Variants in SUPT3H observed in about 807,000 individuals in gnomAD.
SUPT3H encodes SPT3 homolog, SAGA and STAGA complex component.
A neutral mutation model predicts 44.3 loss-of-function variants in SUPT3H; 44 were observed. That is an observed-to-expected ratio of 0.99 (90% CI 0.78 to 1.28). The LOEUF is 1.28. SUPT3H is among the 50% of genes most tolerant of loss of function. The pLI, the probability that SUPT3H is intolerant of heterozygous loss-of-function variation, is 0.00. For missense variants in SUPT3H, 380 were observed against 387.1 expected (o/e 0.98, Z 0.15); for synonymous variants, 124 against 125.6 (o/e 0.99, Z 0.09).
intron 2 of SUPT3H, among the ~76,000 whole-genome samples, chr6:45,143,933 C>T (rs1393428496): frequency 6.6e-6 from 1 of 151,998 alleles, no homozygotes. Flanking sequence ...TATACACGAA[C>T]TAGAAAATCT....
intron 6 of SUPT3H, among the ~76,000 whole-genome samples, chr6:44,974,905 A>G (rs565717727): frequency 4.3e-4 from 66 of 152,230 alleles, no homozygotes; most frequent in Non-Finnish European, 7.9e-4. Flanking sequence ...TGGCTCAATG[A>G]TGTATTAAGA....
intron 2 of SUPT3H, among the ~76,000 whole-genome samples, chr6:45,142,514 A>G (rs1805379206): frequency 6.6e-6 from 1 of 152,030 alleles, no homozygotes; most frequent in Non-Finnish European, 1.5e-5. Context: ...AGGTGGGCAG[A>G]TCACCTGAGG....
chr6:45,068,754 G>A (rs1405589112), intron 3 of SUPT3H, among the ~76,000 whole-genome samples: 1 of 151,832 alleles, frequency 6.6e-6, no homozygotes, highest in Non-Finnish European at 1.5e-5. Flanking sequence ...ATAGTGTGTG[G>A]ACTTCACACT....
At chr6:45,257,033 G>A (rs993827598) in intron 2 of SUPT3H, among the ~76,000 whole-genome samples, 3 of 152,192 alleles carry the variant, frequency 2.0e-5, no homozygotes, top group Non-Finnish European at 4.4e-5. Flanking sequence ...CAAAGCAGCT[G>A]TACCATTTTA....
At chr6:45,004,613 TC>T (rs1377777536) in intron 5 of SUPT3H, among the ~76,000 whole-genome samples, 1 of 152,086 alleles carries the variant, frequency 6.6e-6, no homozygotes, top group Non-Finnish European at 1.5e-5. Flanking sequence ...GATTACTCTT[TC>T]CCATTTCCTT....
At chr6:45,016,038 T>G (rs116838567) in intron 4 of SUPT3H, among the ~76,000 whole-genome samples, 106 of 152,258 alleles carry the variant, frequency 7.0e-4, no homozygotes, top group African/African-American at 2.5e-3. Context: ...TGGAGTATTA[T>G]AAATACATAA....
chr6:45,297,304 G>C (rs1781456899), intron 2 of SUPT3H, among the ~76,000 whole-genome samples: 1 of 152,126 alleles, frequency 6.6e-6, no homozygotes, highest in African/African-American at 2.4e-5. Context: ...TGTATTCAGA[G>C]TTATCCTATA....
chr6:45,270,878 C>T (rs558480755), intron 2 of SUPT3H, among the ~76,000 whole-genome samples: 34 of 152,292 alleles, frequency 2.2e-4, no homozygotes, highest in Middle Eastern at 6.8e-3. Context: ...GAACAATGAA[C>T]TCCAGGCTGA....
intron 2 of SUPT3H, among the ~76,000 whole-genome samples, chr6:45,254,616 C>T (rs995934565): frequency 3.9e-5 from 6 of 152,090 alleles, no homozygotes; most frequent in Non-Finnish European, 7.4e-5. Context: ...AGGTAAAATG[C>T]CTTCCATTGC....
intron 10 of SUPT3H, 61 bp from the exon 11 acceptor site, chr6:44,829,918 CA>C: frequency 1.3e-6 from 2 of 1,520,500 alleles, no homozygotes. Flanking sequence ...GGAAAGGAGG[CA>C]AAAAGCAAGC....
Position 44,984,468 on chromosome 6 carries a change from G to C in SUPT3H, c.504+19185C>G, listed in dbSNP as rs1582899332. Among the ~76,000 whole-genome samples, 4 of 152,122 alleles carry C rather than the reference G, an allele frequency of 2.6e-5. No homozygotes were observed. In the East Asian group the frequency reaches 5.8e-4, roughly 22 times the overall value. Reference sequence around the variant, plus strand: ...TGTATACCCATCTGTAGGTTGCTTAGAAGATACACATCCTTATAAAATGAG... The same window carrying C: ...TGTATACCCATCTGTAGGTTGCTTACAAGATACACATCCTTATAAAATGAG... On this transcript the variant is annotated intron_variant, in intron 6 of 10. Coordinates refer to ENST00000371459, the MANE Select transcript of SUPT3H (RefSeq NM_003599.4).
intron 3 of SUPT3H, among the ~76,000 whole-genome samples, chr6:45,086,579 G>C (rs755438457): frequency 1.6e-4 from 25 of 151,864 alleles, no homozygotes; most frequent in Non-Finnish European, 3.1e-4. Context: ...AAGTACTTAT[G>C]TACATAACAA....
chr6:44,869,709 A>C (rs138170357), intron 10 of SUPT3H, among the ~76,000 whole-genome samples: 2,708 of 152,304 alleles, frequency 0.018, 53 homozygotes, highest in South Asian at 0.092. Context: ...ATTGTGCCAC[A>C]GTCCACCGGA....
intron 2 of SUPT3H, among the ~76,000 whole-genome samples, chr6:45,307,943 G>A (rs769020127): frequency 3.5e-4 from 53 of 152,142 alleles, no homozygotes; most frequent in Non-Finnish European, 6.3e-4. Flanking sequence ...ACCACGGCAC[G>A]AGAACTACGT....
intron 2 of SUPT3H, among the ~76,000 whole-genome samples, chr6:45,279,811 T>C (rs1183345517): frequency 2.4e-4 from 36 of 152,204 alleles, no homozygotes; most frequent in Admixed American, 2.4e-3. Context: ...AGCTGTTATA[T>C]CCGGTCCAGA....
chr6:45,186,877 C>T (rs1288500015), intron 2 of SUPT3H, among the ~76,000 whole-genome samples: 2 of 152,022 alleles, frequency 1.3e-5, no homozygotes. Flanking sequence ...CTGAATAACA[C>T]CTTGCTATGT....
intron 3 of SUPT3H, among the ~76,000 whole-genome samples, chr6:45,088,039 G>A (rs570011363): frequency 1.3e-5 from 2 of 152,022 alleles, no homozygotes; most frequent in African/African-American, 4.8e-5. Context: ...GAGATAAAAC[G>A]AGAAGGCATA....
At chr6:44,974,422 C>A (rs913112562) in intron 6 of SUPT3H, among the ~76,000 whole-genome samples, 1 of 152,062 alleles carries the variant, frequency 6.6e-6, no homozygotes, top group South Asian at 2.1e-4. Context: ...GAAGAAGACT[C>A]ACAGTCCTCC....
chr6:44,922,134 A>G (rs1191300011), intron 10 of SUPT3H, among the ~76,000 whole-genome samples: 1 of 147,976 alleles, frequency 6.8e-6, no homozygotes, highest in Admixed American at 6.7e-5. Flanking sequence ...CTCGCATCCT[A>G]GAGTCATGCA....
Sources: gnomAD v4.1 joint callset for allele counts (sites outside exome capture counted in the v4.1 genomes callset) on GRCh38, gnomAD v4.1.1 for gene constraint, MANE v1.5 for transcripts, NCBI Gene and HGNC (gene_info 2026-07-23, HGNC 2026-07-21) for gene names.